Variants in EPC2 observed in about 807,000 individuals in gnomAD.
EPC2 encodes the protein enhancer of polycomb 2.
EPC2 carries 14 observed loss-of-function variants against 92.1 expected under a neutral mutation model. The ratio of observed to expected loss-of-function variants is 0.15; its 90% CI spans 0.10 to 0.24. The LOEUF is 0.24. Ranked by LOEUF, EPC2 falls within the 10% of genes least tolerant of loss-of-function variation. EPC2 has a pLI of 1.00. For missense variants in EPC2, 755 were observed against 971.5 expected, an observed-to-expected ratio of 0.78 and a Z score of 2.96; for synonymous variants, 340 against 334.7, an observed-to-expected ratio of 1.02 and a Z score of -0.17.
At position 148,645,176 on chromosome 2, in the gene EPC2, G is replaced by A; in HGVS notation, c.153+6G>A. On this transcript the variant is annotated splice_donor_region_variant and intron_variant, in intron 1 of 13. Transcript: ENST00000258484. ...TGGAGAAGGAGGAGGAATCGGTAGG[G>A]ACTCGAGTGTTTATTACCCCCCCTT... 1 of 1,603,594 alleles carries A rather than the reference G, an allele frequency of 6.2e-7. No homozygotes were observed. The highest frequency in any genetic ancestry group is 1.1e-5 in the South Asian group (1 of 89,144).
At chr2:148,658,135 C>G (rs1012674397) in intron 1 of EPC2, among the ~76,000 whole-genome samples, 4 of 152,060 alleles carry the variant, frequency 2.6e-5, no homozygotes, top group African/African-American at 7.2e-5. Context: ...ATGTATGTTT[C>G]TGTTTTTAAA....
At chr2:148,710,863 G>A (rs1164169197) in intron 2 of EPC2, among the ~76,000 whole-genome samples, 1 of 152,038 alleles carries the variant, frequency 6.6e-6, no homozygotes, top group African/African-American at 2.4e-5. Context: ...GGGGGAGTGG[G>A]GAGGGATGGC....
chr2:148,753,840 G>C, intron 3 of EPC2, 87 bp from the exon 4 acceptor site: 2 of 1,051,716 alleles, frequency 1.9e-6, no homozygotes, highest in South Asian at 3.1e-5. Flanking sequence ...TATTGAAACT[G>C]GTCGCATTTT....
At chr2:148,719,689 G>A (rs1682329542) in intron 2 of EPC2, among the ~76,000 whole-genome samples, 1 of 152,218 alleles carries the variant, frequency 6.6e-6, no homozygotes, top group South Asian at 2.1e-4. Flanking sequence ...CAGTTGGGAG[G>A]TTTCACCCAG....
chr2:148,753,863 TA>T, intron 3 of EPC2, 63 bp from the exon 4 acceptor site: 4 of 1,439,608 alleles, frequency 2.8e-6, no homozygotes, highest in Non-Finnish European at 3.8e-6. Context: ...TCTACAGCCA[TA>T]AGCTAACTTT....
chr2:148,763,749 C>T lies in EPC2; in HGVS notation c.948+947C>T, dbSNP rs528714385. Among the ~76,000 whole-genome samples the T allele has an allele frequency of 1.0e-3, 153 of 152,166 alleles. 3 individuals carry two copies. The highest frequency in any genetic ancestry group is 2.7e-3 in the East Asian group (14 of 5,178). On this transcript the variant is annotated intron_variant, in intron 6 of 13. Transcript: ENST00000258484. ...TCTAAATCTCGCTTGTCTCTATAGC[C>T]GAAAAAGTTATCAGTGCAAATGTCA...
intron 2 of EPC2, among the ~76,000 whole-genome samples, chr2:148,697,379 G>A (rs975815900): frequency 2.6e-5 from 4 of 151,874 alleles, no homozygotes; most frequent in South Asian, 2.1e-4. Context: ...AAAGGCAGAC[G>A]TGTATAACTG....
intron 2 of EPC2, among the ~76,000 whole-genome samples, chr2:148,716,430 T>C (rs1315804520): frequency 2.0e-5 from 3 of 152,218 alleles, no homozygotes; most frequent in African/African-American, 7.2e-5. Context: ...GTTTCTAACA[T>C]GAAGGGATGT....
At chr2:148,649,958 C>CT (rs796144291) in intron 1 of EPC2, among the ~76,000 whole-genome samples, 6 of 152,172 alleles carry the variant, frequency 3.9e-5, no homozygotes, top group African/African-American at 1.4e-4. Flanking sequence ...GATTTTCTTT[C>CT]TTTTTTCTTA....
chr2:148,771,157 T>C lies in EPC2; in HGVS notation c.1490T>C (p.Phe497Ser). ...SSQTIDFSSN[F>S]SRTNASSKHC... ...CAAACTATAGACTTTTCTTCTAATTTCTCTCGGACCAATGCTTCCAGTAAA... is the reference window on the plus strand; with the variant it reads ...CAAACTATAGACTTTTCTTCTAATTCCTCTCGGACCAATGCTTCCAGTAAA... Residue 497 changes from phenylalanine to serine, a missense_variant, in exon 10 of 14, where the codon TTC becomes TCC. By Grantham distance (155) the Phe-to-Ser change is radical (BLOSUM62 -2). Around this residue, in one of 4 missense-constraint regions of EPC2, gnomAD observed 509 missense variants for 607.7 expected, o/e 0.84. Transcript: ENST00000258484. 6.2e-7 allele frequency: 1 copy of C among 1,614,004 alleles called. No individual in the cohort carries two copies. Among genetic ancestry groups the C allele is most frequent in the Non-Finnish European group, 8.5e-7 (1 of 1,179,884 alleles).
intron 1 of EPC2, among the ~76,000 whole-genome samples, chr2:148,683,485 C>CT (rs1306634821): frequency 6.6e-6 from 1 of 152,108 alleles, no homozygotes; most frequent in Non-Finnish European, 1.5e-5. Flanking sequence ...CCAGGATTGT[C>CT]TCGATCTCCT....
At chr2:148,691,489 T>C in intron 2 of EPC2, 2 of 1,546,712 alleles carry the variant, frequency 1.3e-6, no homozygotes, top group Non-Finnish European at 1.7e-6. Context: ...AGACTGACTA[T>C]AAGATTGACT....
At chr2:148,720,272 T>G (rs986795725) in intron 2 of EPC2, among the ~76,000 whole-genome samples, 1 of 152,196 alleles carries the variant, frequency 6.6e-6, no homozygotes, top group Non-Finnish European at 1.5e-5. Context: ...TCTGGACCAT[T>G]TGGACTCTCC....
chr2:148,763,731 C>G (rs1333404388), intron 6 of EPC2, among the ~76,000 whole-genome samples: 1 of 152,170 alleles, frequency 6.6e-6, no homozygotes, highest in African/African-American at 2.4e-5. Flanking sequence ...CTCTCTAAAT[C>G]TCGCTTGTCT....
intron 2 of EPC2, among the ~76,000 whole-genome samples, chr2:148,742,863 TGA>T (rs1476158382): frequency 6.6e-6 from 1 of 152,174 alleles, no homozygotes; most frequent in Non-Finnish European, 1.5e-5. Flanking sequence ...CAATATTTGT[TGA>T]GTTACTAGTT....
intron 2 of EPC2, among the ~76,000 whole-genome samples, chr2:148,740,182 A>G (rs918195225): frequency 2.7e-5 from 4 of 150,824 alleles, no homozygotes; most frequent in African/African-American, 4.9e-5. Flanking sequence ...TTATATTTAT[A>G]TATTTTAGAA....
intron 7 of EPC2, among the ~76,000 whole-genome samples, chr2:148,767,224 A>ACTGTAGGGTG (rs1683427320): frequency 6.6e-6 from 1 of 151,230 alleles, no homozygotes; most frequent in Non-Finnish European, 1.5e-5. Context: ...AATGAATGAT[A>ACTGTAGGGTG]CTGTAGGGTG....
intron 2 of EPC2, among the ~76,000 whole-genome samples, chr2:148,724,350 G>C (rs371956542): frequency 6.6e-6 from 1 of 152,030 alleles, no homozygotes; most frequent in Admixed American, 6.6e-5. Flanking sequence ...CAGGATAATA[G>C]CATGTCCATC....
chr2:148,656,903 T>C (rs1403690233), intron 1 of EPC2, among the ~76,000 whole-genome samples: 1 of 152,220 alleles, frequency 6.6e-6, no homozygotes, highest in African/African-American at 2.4e-5. Flanking sequence ...AGTTTAAATA[T>C]CAATTCATGT....
Sources: allele counts gnomAD v4.1 joint callset (sites outside exome capture counted in the v4.1 genomes callset), GRCh38; gene constraint gnomAD v4.1.1; regional missense constraint gnomAD v4.1.1; transcripts MANE v1.5; gene names NCBI Gene and HGNC (gene_info 2026-07-23, HGNC 2026-07-21).